LRRN1: variants seen among roughly 807,000 people sequenced by gnomAD.
LRRN1 encodes leucine-rich repeat neuronal protein 1.
A neutral mutation model predicts 45.8 loss-of-function variants in LRRN1; 14 were observed. That is an observed-to-expected ratio of 0.31 (90% CI 0.20 to 0.48). The LOEUF is 0.48. Ranked by LOEUF, LRRN1 falls within the 20% of genes least tolerant of loss-of-function variation. The pLI is 0.99. For synonymous variants in LRRN1, 359 were observed against 330.1 expected (o/e 1.09, Z -0.95); for missense variants, 789 against 874.2 (o/e 0.90, Z 1.23).
intron 1 of LRRN1, among the ~76,000 whole-genome samples, chr3:3,804,961 A>G (rs1468371155): frequency 2.6e-5 from 4 of 152,228 alleles, no homozygotes; most frequent in African/African-American, 9.6e-5. Flanking sequence ...TGTCCAGGAA[A>G]GGACAATCTT....
At chr3:3,829,838 C>T (rs755393686) in intron 1 of LRRN1, among the ~76,000 whole-genome samples, 2 of 152,206 alleles carry the variant, frequency 1.3e-5, no homozygotes, top group Non-Finnish European at 1.5e-5. Flanking sequence ...AAACTCATAT[C>T]TGGAGTAAGT....
intron 1 of LRRN1, among the ~76,000 whole-genome samples, chr3:3,823,469 T>C (rs1419777353): frequency 6.6e-6 from 1 of 152,162 alleles, no homozygotes; most frequent in Non-Finnish European, 1.5e-5. Flanking sequence ...GAGATTGTTT[T>C]CAGGACATAA....
chr3:3,836,544 C>G (rs182297409), intron 1 of LRRN1, among the ~76,000 whole-genome samples: 3 of 152,052 alleles, frequency 2.0e-5, no homozygotes, highest in Non-Finnish European at 4.4e-5. Flanking sequence ...ATTGTATGTA[C>G]ACACCACATT....
intron 1 of LRRN1, among the ~76,000 whole-genome samples, chr3:3,811,499 T>C (rs1692870664): frequency 6.6e-6 from 1 of 152,238 alleles, no homozygotes; most frequent in Admixed American, 6.5e-5. Context: ...GTATCATATG[T>C]CTATTTCATT....
intron 1 of LRRN1, among the ~76,000 whole-genome samples, chr3:3,828,061 A>G (rs887261017): frequency 1.3e-5 from 2 of 151,742 alleles, no homozygotes; most frequent in Admixed American, 6.6e-5. Context: ...AGGTTCAAAA[A>G]TAAGTATTTG....
At chr3:3,839,291 A>G (rs1046980094) in intron 1 of LRRN1, among the ~76,000 whole-genome samples, 53 of 152,112 alleles carry the variant, frequency 3.5e-4, no homozygotes, top group Non-Finnish European at 7.1e-4. Context: ...CACCCTTGTC[A>G]AAGATCATAA....
At chr3:3,806,285 G>A (rs535952394) in intron 1 of LRRN1, among the ~76,000 whole-genome samples, 10 of 152,294 alleles carry the variant, frequency 6.6e-5, no homozygotes, top group Admixed American at 3.9e-4. Flanking sequence ...GCAGCATAGC[G>A]TGCTATGATG....
intron 1 of LRRN1, among the ~76,000 whole-genome samples, chr3:3,809,624 G>A (rs1477316299): frequency 6.6e-6 from 1 of 152,210 alleles, no homozygotes; most frequent in Non-Finnish European, 1.5e-5. Flanking sequence ...CCAAGGCAGG[G>A]GAAGGAGTGG....
Position 3,805,400 on chromosome 3 carries a change from T to C in LRRN1, c.-279+5481T>C, listed in dbSNP as rs957572353. Among the ~76,000 whole-genome samples the C allele has an allele frequency of 2.6e-5, 4 of 152,332 alleles. No individual in the cohort carries two copies. The East Asian group carries it at 7.7e-4, about 29-fold the overall frequency. On this transcript the variant is annotated intron_variant, in intron 1 of 1. Transcript: ENST00000319331. The stretch of plus-strand genomic sequence containing the variant: ...TAGTTTGCATCCATAATAATCAGTG[T>C]AATCAAGTACTGTACAGAGAATCAG...
At chr3:3,808,257 A>AT (rs1175427819) in intron 1 of LRRN1, among the ~76,000 whole-genome samples, 10 of 152,200 alleles carry the variant, frequency 6.6e-5, no homozygotes, top group Admixed American at 5.9e-4. Flanking sequence ...CAGTAGAATA[A>AT]TGATACTCTA....
intron 1 of LRRN1, among the ~76,000 whole-genome samples, chr3:3,818,822 G>A (rs1693040418): frequency 6.6e-6 from 1 of 152,134 alleles, no homozygotes; most frequent in Admixed American, 6.5e-5. Flanking sequence ...CCTATCTGTA[G>A]GATATACAGG....
rs898348050 is a variant in LRRN1 at position 3,847,439 on chromosome 3, T to C, written c.*647T>C. On this transcript the variant is annotated 3_prime_UTR_variant, in exon 2 of 2. Transcript: ENST00000319331. ...AGGCTTAGAACAAGCTAACAGGCAA[T>C]AGAAATATGTATATCAGATTTTTTA... 1 of 166,614 alleles carries C rather than the reference T, an allele frequency of 6.0e-6. No individual in the cohort carries two copies. Among genetic ancestry groups the C allele is most frequent in the African/African-American group, 2.4e-5 (1 of 41,330 alleles). The allele number at this position is 166,614 out of a possible 1,614,324, so 10.3% of individuals were successfully genotyped here.
At chr3:3,832,440 A>G (rs776491168) in intron 1 of LRRN1, among the ~76,000 whole-genome samples, 1 of 152,176 alleles carries the variant, frequency 6.6e-6, no homozygotes, top group Admixed American at 6.5e-5. Flanking sequence ...GACCTGAGCT[A>G]AAACTCCATG....
In LRRN1 at chr3:3,816,586, CTA is replaced by C. The variant is rs1316036881; in HGVS notation, c.-279+16669_-279+16670del. Among the ~76,000 whole-genome samples the C allele has an allele frequency of 6.6e-6, 1 of 151,900 alleles. No individual in the cohort carries two copies. Among genetic ancestry groups the C allele is most frequent in the Admixed American group, 6.6e-5 (1 of 15,250 alleles). On this transcript the variant is annotated intron_variant, in intron 1 of 1. Coordinates refer to ENST00000319331, the MANE Select transcript of LRRN1 (RefSeq NM_020873.7). This position sits in a 1 kb window ranked among gnomAD's most constrained non-coding sequence, Gnocchi z 4.0. ...TTCATTATTAGGGCCTTGAAGAAAA[CTA>C]TGTCTTAGTAAAAAATATATAACCA...
At chr3:3,821,377 G>A (rs942858126) in intron 1 of LRRN1, among the ~76,000 whole-genome samples, 2 of 152,132 alleles carry the variant, frequency 1.3e-5, no homozygotes, top group African/African-American at 4.8e-5. Context: ...TGCTAATAGA[G>A]CAAACACAAA....
chr3:3,848,074 A>G lies in LRRN1; in HGVS notation c.*1282A>G, dbSNP rs1000490698. On this transcript the variant is annotated 3_prime_UTR_variant, in exon 2 of 2. Coordinates refer to ENST00000319331, the MANE Select transcript of LRRN1 (RefSeq NM_020873.7). ...TTTTGTAGTATCCACATTCTTCATC[A>G]AAGTACAAAAACGTCTGTGGAGTGT... Among the ~76,000 whole-genome samples the G allele has an allele frequency of 1.5e-4, 23 of 152,194 alleles. No individual in the cohort carries two copies. Among genetic ancestry groups the G allele is most frequent in the African/African-American group, 5.3e-4 (22 of 41,448 alleles).
intron 1 of LRRN1, among the ~76,000 whole-genome samples, chr3:3,825,301 T>A (rs1693193474): frequency 6.6e-6 from 1 of 152,182 alleles, no homozygotes; most frequent in African/African-American, 2.4e-5. Context: ...TATGCTCGAC[T>A]TGGAGACCAG....
At chr3:3,829,160 T>G (rs1693306966) in intron 1 of LRRN1, among the ~76,000 whole-genome samples, 1 of 152,130 alleles carries the variant, frequency 6.6e-6, no homozygotes, top group African/African-American at 2.4e-5. Flanking sequence ...CCATGCATAC[T>G]CTCCCTTACT....
intron 1 of LRRN1, among the ~76,000 whole-genome samples, chr3:3,824,889 G>T (rs1693183964): frequency 2.0e-5 from 3 of 152,130 alleles, no homozygotes; most frequent in Admixed American, 2.0e-4. Context: ...GGTGTCCTCT[G>T]CAAAATGAGA....
Sources: gnomAD v4.1 joint callset for allele counts (sites outside exome capture counted in the v4.1 genomes callset) on GRCh38, gnomAD v4.1.1 for gene constraint, Gnocchi (gnomAD v3.1) non-coding constraint, MANE v1.5 for transcripts, NCBI Gene and HGNC (gene_info 2026-07-23, HGNC 2026-07-21) for gene names.